SIRT1: variants seen among roughly 807,000 people sequenced by gnomAD.
SIRT1 encodes the protein sirtuin 1, also known as NAD-dependent protein deacetylase sirtuin-1.
SIRT1 carries 24 observed loss-of-function variants against 67.9 expected under a neutral mutation model. That is an observed-to-expected ratio of 0.35 (90% CI 0.26 to 0.50). SIRT1 has a LOEUF of 0.50. Ranked by LOEUF, SIRT1 falls within the 20% of genes least tolerant of loss-of-function variation. The pLI is 0.98. For missense variants in SIRT1, 873 were observed against 937.2 expected, an observed-to-expected ratio of 0.93 and a Z score of 0.89; for synonymous variants, 378 against 350.7, an observed-to-expected ratio of 1.08 and a Z score of -0.87.
rs1221978380 is a variant in SIRT1 at position 67,884,902 on chromosome 10, CCGGCGGCGGCCAGGGGCTGCCCGGGTG to C, written c.192_218del (p.Arg65_Ala73del). On this transcript the variant is annotated inframe_deletion, in exon 1 of 9. Coordinates refer to ENST00000212015, the MANE Select transcript of SIRT1 (RefSeq NM_012238.5). ...TGGGGCGGCCCCAGAGCGTGAGGTGCCGGCGGCGGCCAGGGGCTGCCCGGGTGCGGCGGCGGCGGCGCTGTGGCGGGA... is the reference window on the plus strand; with the variant it reads ...TGGGGCGGCCCCAGAGCGTGAGGTGCCGGCGGCGGCGGCGCTGTGGCGGGA... The C allele has an allele frequency of 1.2e-5, 15 of 1,219,938 alleles. No individual in the cohort carries two copies. The highest frequency in any genetic ancestry group is 4.4e-5 in the Admixed American group (1 of 22,922). 75.6% of individuals were successfully genotyped at this position (1,219,938 alleles called of 1,614,324 possible). A position where few individuals can be genotyped will look rare whatever the true frequency, so the allele number is the denominator to read the frequency against.
chr10:67,899,981 G>A (rs1842716508), intron 4 of SIRT1, among the ~76,000 whole-genome samples: 1 of 152,082 alleles, frequency 6.6e-6, no homozygotes, highest in Non-Finnish European at 1.5e-5. Flanking sequence ...CTGTTCGGAA[G>A]GCTGAGGGAG....
intron 8 of SIRT1, among the ~76,000 whole-genome samples, chr10:67,915,515 A>C (rs2029884576): frequency 6.6e-6 from 1 of 152,166 alleles, no homozygotes; most frequent in Non-Finnish European, 1.5e-5. Context: ...ATGTGTATAT[A>C]CACACACATT....
At chr10:67,903,232 C>T (rs575323877) in intron 4 of SIRT1, among the ~76,000 whole-genome samples, 5 of 152,314 alleles carry the variant, frequency 3.3e-5, no homozygotes. Flanking sequence ...GTAGCAGGAA[C>T]TACAGGCCTG....
chr10:67,913,888 A>G (rs1290751872), intron 8 of SIRT1, among the ~76,000 whole-genome samples: 6 of 152,180 alleles, frequency 3.9e-5, no homozygotes, highest in Non-Finnish European at 7.3e-5. Context: ...TCAGTTGAAT[A>G]AACCTTTGGC....
chr10:67,899,203 A>G (rs1281270677), intron 4 of SIRT1, among the ~76,000 whole-genome samples: 2 of 151,978 alleles, frequency 1.3e-5, no homozygotes, highest in Non-Finnish European at 2.9e-5. Context: ...CATGCCTGTA[A>G]TCCGAGCACT....
At chr10:67,903,654 T>C (rs1377413570) in intron 4 of SIRT1, among the ~76,000 whole-genome samples, 1 of 152,222 alleles carries the variant, frequency 6.6e-6, no homozygotes, top group Non-Finnish European at 1.5e-5. Flanking sequence ...CCCAAAGTGC[T>C]GGGATTACAG....
chr10:67,909,358 G>A lies in SIRT1; in HGVS notation c.1273G>A (p.Ala425Thr), dbSNP rs200690371. 4 of 1,613,880 alleles carry A rather than the reference G, an allele frequency of 2.5e-6. No homozygotes were observed. Among genetic ancestry groups the A allele is most frequent in the Non-Finnish European group, 3.4e-6 (4 of 1,179,964 alleles). The change falls in exon 7 of 9, where the codon GCC becomes ACC. Residue 425 changes from alanine (A) to threonine (T), a missense_variant. By Grantham distance (58) the Ala-to-Thr change is moderately conservative. Transcript: ENST00000212015. ...AAATTTACCAGAACAGTTTCATAGA[G>A]CCATGAAGTATGACAAAGATGAAGT... The part of the protein sequence containing the change: ...GENLPEQFHR[A>T]MKYDKDEVDL...
chr10:67,916,524 G>A lies in SIRT1; in HGVS notation c.2175G>A (p.Glu725=). 5.0e-6 allele frequency: 8 copies of A among 1,614,098 alleles called. No individual in the cohort carries two copies. The highest frequency in any genetic ancestry group is 6.8e-6 in the Non-Finnish European group (8 of 1,180,032). The change falls in exon 9 of 9, where the codon GAG becomes GAA. Residue 725 remains glutamate (E), a synonymous_variant. Transcript: ENST00000212015. ...TTGGGACTGATGGAGATGATCAAGA[G>A]GCAATTAATGAAGCTATATCTGTGA... ...AGFGTDGDDQ[E]AINEAISVKQ... is the part of the protein sequence containing the mutation.
chr10:67,885,947 T>C (rs1482503565), intron 1 of SIRT1, among the ~76,000 whole-genome samples: 13 of 137,514 alleles, frequency 9.5e-5, no homozygotes, highest in African/African-American at 2.6e-4. Flanking sequence ...GTTTCTTTTT[T>C]TTTTTTTTTT....
chr10:67,891,242 A>G (rs1021277313), intron 3 of SIRT1, among the ~76,000 whole-genome samples, 160 bp from the exon 4 acceptor site: 1 of 152,156 alleles, frequency 6.6e-6, no homozygotes, highest in East Asian at 1.9e-4. Flanking sequence ...TGGGAGTTTT[A>G]TTTCTGAAAT....
chr10:67,906,047 A>G, intron 4 of SIRT1: 4 of 855,186 alleles, frequency 4.7e-6, no homozygotes, highest in Non-Finnish European at 6.3e-6. Flanking sequence ...CCTTTGCCAT[A>G]GTCACTTACT....
At chr10:67,891,623 C>T in intron 4 of SIRT1, 69 bp downstream of exon 4, 2 of 1,477,806 alleles carry the variant, frequency 1.4e-6, no homozygotes, top group South Asian at 1.2e-5. Flanking sequence ...CACATACAGC[C>T]ACCTTAAGGT....
rs1193148620 is a variant in SIRT1 at position 67,897,948 on chromosome 10, C to CTTTT, written c.942+6414_942+6417dup. 8.3e-5 allele frequency among the ~76,000 whole-genome samples: 9 copies of CTTTT among 108,908 alleles called. No individual in the cohort carries two copies. The South Asian group carries it at 2.3e-3, about 28-fold the overall frequency. 71.4% of individuals were successfully genotyped at this position (108,908 alleles called of 152,430 possible). A position where few individuals can be genotyped will look rare whatever the true frequency, so the allele number is the denominator to read the frequency against. On this transcript the variant is annotated intron_variant, in intron 4 of 8. Coordinates refer to ENST00000212015, the MANE Select transcript of SIRT1 (RefSeq NM_012238.5). Reference sequence around the variant, plus strand: ...AACTGAATTAGGATGTATAAAATAACTTTTTTTTTTTTTTTTTTTTTTTAA... The same window carrying CTTTT: ...AACTGAATTAGGATGTATAAAATAACTTTTTTTTTTTTTTTTTTTTTTTTTTTAA...
chr10:67,906,011 T>A, intron 4 of SIRT1: 1 of 569,286 alleles, frequency 1.8e-6, no homozygotes, highest in Non-Finnish European at 2.6e-6. Context: ...ACTACTACTT[T>A]GAAGGAAAAA....
chr10:67,889,703 TGTA>T (rs1366528746), intron 3 of SIRT1, among the ~76,000 whole-genome samples: 3 of 152,228 alleles, frequency 2.0e-5, no homozygotes, highest in Admixed American at 1.3e-4. Context: ...GAGCAACTGC[TGTA>T]GTAAAATTTT....
At chr10:67,898,121 G>A (rs1842687198) in intron 4 of SIRT1, among the ~76,000 whole-genome samples, 1 of 151,110 alleles carries the variant, frequency 6.6e-6, no homozygotes, top group Admixed American at 6.6e-5. Flanking sequence ...TTAGATGGAT[G>A]TGGTGGCGCA....
chr10:67,885,390 C>T (rs1221563410), intron 1 of SIRT1: 3 of 1,230,242 alleles, frequency 2.4e-6, no homozygotes, highest in African/African-American at 1.6e-5. Flanking sequence ...GTTCTTTCCG[C>T]AGCAGCCAGG....
intron 4 of SIRT1, among the ~76,000 whole-genome samples, chr10:67,894,245 C>T (rs1564885513): frequency 1.3e-5 from 2 of 152,152 alleles, no homozygotes; most frequent in Non-Finnish European, 2.9e-5. Context: ...TTCAGGCTAT[C>T]AAGAGAATTT....
chr10:67,910,434 AT>A (rs1313731699), intron 7 of SIRT1, among the ~76,000 whole-genome samples: 1 of 152,220 alleles, frequency 6.6e-6, no homozygotes, highest in African/African-American at 2.4e-5. Context: ...TATGTGAAAA[AT>A]TAAGACAAAG....
Sources: gnomAD v4.1 joint callset for allele counts (sites outside exome capture counted in the v4.1 genomes callset) on GRCh38, gnomAD v4.1.1 for gene constraint, MANE v1.5 for transcripts, NCBI Gene and HGNC (gene_info 2026-07-23, HGNC 2026-07-21) for gene names.